CALN1: variants seen among roughly 807,000 people sequenced by gnomAD.
CALN1 encodes the protein calneuron 1.
In CALN1, 17 loss-of-function variants were observed where a neutral mutation model predicts 30.6. The observed-to-expected ratio is 0.56, with a 90% confidence interval of 0.38 to 0.83. CALN1 has a LOEUF of 0.83. Ranked by LOEUF, CALN1 falls within the 40% of genes least tolerant of loss-of-function variation. The pLI, the probability that CALN1 is intolerant of heterozygous loss-of-function variation, is 0.00. For missense variants in CALN1, 291 were observed against 354.9 expected (o/e 0.82, Z 1.45); for synonymous variants, 156 against 131.4 (o/e 1.19, Z -1.28).
chr7:71,879,589 A>G (rs1238843072), intron 5 of CALN1, among the ~76,000 whole-genome samples: 1 of 152,188 alleles, frequency 6.6e-6, no homozygotes, highest in Non-Finnish European at 1.5e-5. Context: ...AGTGCAGGAT[A>G]GCTGTCTGGC....
chr7:71,919,499 G>A (rs1794831412), intron 5 of CALN1, among the ~76,000 whole-genome samples: 2 of 152,300 alleles, frequency 1.3e-5, no homozygotes, highest in Middle Eastern at 3.4e-3. Context: ...CATAGTCCCT[G>A]ATCTCAATGC....
At chr7:72,023,530 G>T in intron 5 of CALN1, 127 bp downstream of exon 5, 1 of 542,566 alleles carries the variant, frequency 1.8e-6, no homozygotes, top group Non-Finnish European at 3.1e-6. Flanking sequence ...TCTTTGTTCT[G>T]GAACATATGT....
intron 2 of CALN1, among the ~76,000 whole-genome samples, chr7:72,288,209 G>A (rs961838788): frequency 6.6e-6 from 1 of 152,034 alleles, no homozygotes; most frequent in Non-Finnish European, 1.5e-5. Flanking sequence ...ACATAGCTTT[G>A]TTCACGTGAG....
intron 3 of CALN1, among the ~76,000 whole-genome samples, chr7:72,168,951 G>GC (rs1033419889): frequency 1.3e-5 from 2 of 151,566 alleles, no homozygotes; most frequent in Admixed American, 1.3e-4. Context: ...GATTACAGGT[G>GC]CCCCCCAACA....
intron 2 of CALN1, among the ~76,000 whole-genome samples, chr7:72,348,633 G>A: frequency 6.6e-6 from 1 of 152,222 alleles, no homozygotes; most frequent in Non-Finnish European, 1.5e-5. Flanking sequence ...AAATAGGCAA[G>A]TTCTGATGAT....
intron 6 of CALN1, among the ~76,000 whole-genome samples, chr7:71,800,072 T>C (rs998946091): frequency 6.6e-6 from 1 of 152,198 alleles, no homozygotes; most frequent in Non-Finnish European, 1.5e-5. Flanking sequence ...GGCCAGGTGA[T>C]GGGGCAGGTC....
chr7:72,039,205 C>T (rs933769153), intron 4 of CALN1, among the ~76,000 whole-genome samples: 3 of 152,144 alleles, frequency 2.0e-5, no homozygotes, highest in African/African-American at 7.2e-5. Flanking sequence ...TTCAGTTGTT[C>T]GTATCTAGCC....
At chr7:72,118,862 T>C (rs1808180661) in intron 3 of CALN1, among the ~76,000 whole-genome samples, 1 of 152,156 alleles carries the variant, frequency 6.6e-6, no homozygotes, top group Non-Finnish European at 1.5e-5. Context: ...ACTCCACTGC[T>C]AGGTCATCAA....
intron 1 of CALN1, among the ~76,000 whole-genome samples, chr7:72,423,195 T>C (rs1807674261): frequency 6.6e-6 from 1 of 152,222 alleles, no homozygotes; most frequent in Non-Finnish European, 1.5e-5. Flanking sequence ...TTTTACTGGA[T>C]GGAATTATTC....
intron 5 of CALN1, among the ~76,000 whole-genome samples, chr7:71,896,765 G>T (rs1302093180): frequency 6.6e-6 from 1 of 152,136 alleles, no homozygotes; most frequent in Admixed American, 6.5e-5. Flanking sequence ...CAGCCAGAGA[G>T]CTCTTAGCTC....
intron 6 of CALN1, among the ~76,000 whole-genome samples, chr7:71,801,408 G>A (rs1027559095): frequency 1.5e-4 from 20 of 135,564 alleles, no homozygotes; most frequent in Non-Finnish European, 1.6e-5. Context: ...ATGTATGTAT[G>A]TATGTATGTA....
At chr7:72,149,752 T>C (rs1255775717) in intron 3 of CALN1, among the ~76,000 whole-genome samples, 1 of 152,042 alleles carries the variant, frequency 6.6e-6, no homozygotes, top group Non-Finnish European at 1.5e-5. Flanking sequence ...AAAAACTCAT[T>C]ACCACAGTGA....
intron 5 of CALN1, among the ~76,000 whole-genome samples, chr7:71,908,484 A>G (rs1794256860): frequency 6.6e-6 from 1 of 152,180 alleles, no homozygotes; most frequent in South Asian, 2.1e-4. Flanking sequence ...ATCAAACCTA[A>G]AGGTGACCCT....
chr7:72,344,609 A>G (rs1802531303), intron 2 of CALN1, among the ~76,000 whole-genome samples: 1 of 145,544 alleles, frequency 6.9e-6, no homozygotes, highest in South Asian at 2.1e-4. Context: ...ATATTTATGT[A>G]TTTTATGTAT....
chr7:71,972,034 A>AAGAAAAAAAGAAAGAAAAGAAAGAAAGAC (rs1554400331), intron 5 of CALN1, among the ~76,000 whole-genome samples: 4 of 143,730 alleles, frequency 2.8e-5, no homozygotes, highest in South Asian at 2.2e-4. Flanking sequence ...GAAAGAAAGA[A>AAGAAAAAAAGAAAGAAAAGAAAGAAAGAC]AGACACACTC....
At chr7:72,460,504 T>TCAA in the CALN1 span, among the ~76,000 whole-genome samples, 1 of 151,850 alleles carries the variant, frequency 6.6e-6, no homozygotes, top group Non-Finnish European at 1.5e-5. Flanking sequence ...TGGTGGCAGG[T>TCAA]GCCTGTAGTC....
intron 3 of CALN1, among the ~76,000 whole-genome samples, chr7:72,154,643 C>T (rs1363023994): frequency 6.6e-6 from 1 of 152,098 alleles, no homozygotes; most frequent in African/African-American, 2.4e-5. Flanking sequence ...TCTACTAAAA[C>T]TCAGATGTTG....
chr7:72,463,054 T>C, the CALN1 span, among the ~76,000 whole-genome samples: 1 of 152,262 alleles, frequency 6.6e-6, no homozygotes, highest in Admixed American at 6.5e-5. Context: ...GGTTAGCTAC[T>C]ATAATCTCCA....
intron 2 of CALN1, among the ~76,000 whole-genome samples, chr7:72,306,612 T>A (rs1318959208): frequency 6.8e-6 from 1 of 147,670 alleles, no homozygotes; most frequent in East Asian, 2.0e-4. Context: ...TAAACTCTCA[T>A]TCCTGCTCTA....
Sources: allele counts gnomAD v4.1 joint callset (sites outside exome capture counted in the v4.1 genomes callset), GRCh38; gene constraint gnomAD v4.1.1; transcripts MANE v1.5; gene names NCBI Gene and HGNC (gene_info 2026-07-23, HGNC 2026-07-21).